Variants in CDH4 observed in about 807,000 individuals in gnomAD.
CDH4 encodes the protein cadherin 4.
CDH4 carries 33 observed loss-of-function variants against 86.0 expected under a neutral mutation model. The observed-to-expected ratio is 0.38, with a 90% CI of 0.29 to 0.51. The LOEUF (loss-of-function observed/expected upper bound fraction) is 0.51. Ranked by LOEUF, CDH4 falls within the 20% of genes least tolerant of loss-of-function variation. The probability of loss-of-function intolerance (pLI) is 0.86; values close to 1 mark genes in which losing one functional copy is unlikely to be tolerated. For synonymous variants in CDH4, 555 were observed against 549.4 expected (o/e 1.01, Z -0.14); for missense variants, 1,114 against 1,307.4 (o/e 0.85, Z 2.28).
At chr20:61,699,521 G>A (rs1234886796) in intron 2 of CDH4, among the ~76,000 whole-genome samples, 1 of 137,834 alleles carries the variant, frequency 7.3e-6, no homozygotes, top group East Asian at 1.9e-4. Flanking sequence ...GCACTTTCTG[G>A]CTCTCCGAGT....
intron 2 of CDH4, among the ~76,000 whole-genome samples, chr20:61,257,316 T>C (rs1378293805): frequency 1.3e-5 from 2 of 152,188 alleles, no homozygotes; most frequent in Non-Finnish European, 2.9e-5. Context: ...TTATGATAAA[T>C]GGATGGAAGA....
intron 2 of CDH4, among the ~76,000 whole-genome samples, chr20:61,489,717 A>G (rs2085615680): frequency 6.6e-6 from 1 of 152,210 alleles, no homozygotes; most frequent in South Asian, 2.1e-4. Flanking sequence ...CAGTCCTAGG[A>G]AGATGTTGCT....
At chr20:61,780,964 T>TA (rs1420544851) in intron 4 of CDH4, among the ~76,000 whole-genome samples, 27 of 152,322 alleles carry the variant, frequency 1.8e-4, no homozygotes, top group Admixed American at 1.0e-3. Flanking sequence ...TAGCCACAGA[T>TA]AGGGACTCCC....
intron 2 of CDH4, among the ~76,000 whole-genome samples, chr20:61,475,403 G>A (rs1048896508): frequency 1.4e-5 from 2 of 144,018 alleles, no homozygotes; most frequent in African/African-American, 2.6e-5. Context: ...AATCCTCAGT[G>A]ACCCTGCCTC....
At chr20:61,297,714 G>C (rs1259088890) in intron 2 of CDH4, among the ~76,000 whole-genome samples, 3 of 152,264 alleles carry the variant, frequency 2.0e-5, no homozygotes, top group Non-Finnish European at 4.4e-5. Flanking sequence ...AGGCCTTGCA[G>C]CGCACTTTCC....
chr20:61,834,327 C>T (rs1174823717), intron 4 of CDH4, among the ~76,000 whole-genome samples: 2 of 152,212 alleles, frequency 1.3e-5, no homozygotes, highest in East Asian at 1.9e-4. Flanking sequence ...GGCCTGGGGT[C>T]TGGGGTCTGG....
chr20:61,259,683 C>T (rs2084118619), intron 2 of CDH4, among the ~76,000 whole-genome samples: 1 of 152,112 alleles, frequency 6.6e-6, no homozygotes, highest in African/African-American at 2.4e-5. Flanking sequence ...TCTCTCTCTC[C>T]CTTGCCAACA....
chr20:61,523,625 C>T (rs572377941), intron 2 of CDH4, among the ~76,000 whole-genome samples: 2 of 152,338 alleles, frequency 1.3e-5, no homozygotes, highest in East Asian at 1.9e-4. Context: ...AGAAAACAGG[C>T]CCGGGGCTTT....
chr20:61,786,847 A>G (rs1185709709), intron 4 of CDH4, among the ~76,000 whole-genome samples: 2 of 152,256 alleles, frequency 1.3e-5, no homozygotes, highest in Non-Finnish European at 2.9e-5. Flanking sequence ...GGCCAGCTCC[A>G]GGACTGCTGA....
At chr20:61,753,821 T>TGGG (rs1257683138) in intron 3 of CDH4, among the ~76,000 whole-genome samples, 1 of 152,246 alleles carries the variant, frequency 6.6e-6, no homozygotes, top group African/African-American at 2.4e-5. Flanking sequence ...TGGACTTTCC[T>TGGG]GGGTGTTTCT....
chr20:61,346,256 C>T (rs1234581363), intron 2 of CDH4, among the ~76,000 whole-genome samples: 1 of 151,276 alleles, frequency 6.6e-6, no homozygotes, highest in Non-Finnish European at 1.5e-5. Flanking sequence ...GTCAGGAGGT[C>T]CTAGAGGAAC....
intron 2 of CDH4, among the ~76,000 whole-genome samples, chr20:61,687,991 C>A (rs1164592167): frequency 6.6e-6 from 1 of 152,122 alleles, no homozygotes; most frequent in Non-Finnish European, 1.5e-5. Context: ...ATTATTATGA[C>A]TTCATAATAA....
chr20:61,527,511 G>A (rs923281003), intron 2 of CDH4, among the ~76,000 whole-genome samples: 16 of 152,148 alleles, frequency 1.1e-4, no homozygotes, highest in African/African-American at 3.9e-4. Flanking sequence ...CAGTCTCCCA[G>A]AGTGCTGGGA....
At chr20:61,338,029 GT>G (rs1181049483) in intron 2 of CDH4, among the ~76,000 whole-genome samples, 1 of 152,152 alleles carries the variant, frequency 6.6e-6, no homozygotes, top group East Asian at 1.9e-4. Flanking sequence ...CTTTTGCAAT[GT>G]TTTAGTCACA....
At chr20:61,661,621 G>A (rs115465660) in intron 2 of CDH4, among the ~76,000 whole-genome samples, 3,028 of 152,152 alleles carry the variant, frequency 0.02, 106 homozygotes, top group African/African-American at 0.069. Flanking sequence ...AATTAACCCA[G>A]GATTAAAAAG....
At chr20:61,651,914 G>A (rs6089453) in intron 2 of CDH4, among the ~76,000 whole-genome samples, 1 of 152,220 alleles carries the variant, frequency 6.6e-6, no homozygotes, top group Non-Finnish European at 1.5e-5. Context: ...TGGGGTGGAA[G>A]GGAGGCCCTG....
intron 2 of CDH4, among the ~76,000 whole-genome samples, chr20:61,389,490 T>C (rs2084969377): frequency 6.6e-6 from 1 of 152,164 alleles, no homozygotes; most frequent in Non-Finnish European, 1.5e-5. Context: ...GCTTTAGATA[T>C]TTGTTGATTG....
chr20:61,720,125 T>A (rs574928598), intron 2 of CDH4, among the ~76,000 whole-genome samples: 10 of 152,198 alleles, frequency 6.6e-5, no homozygotes, highest in Non-Finnish European at 1.5e-4. Context: ...GCATCGCCCG[T>A]GTGTCTGCAG....
chr20:61,306,694 G>A (rs565461664), intron 2 of CDH4, among the ~76,000 whole-genome samples: 3 of 152,264 alleles, frequency 2.0e-5, no homozygotes, highest in East Asian at 3.9e-4. Flanking sequence ...AGTTGTGAGT[G>A]GCCAGATGGT....
Sources: allele counts gnomAD v4.1 joint callset (sites outside exome capture counted in the v4.1 genomes callset), GRCh38; gene constraint gnomAD v4.1.1; transcripts MANE v1.5; gene names NCBI Gene and HGNC (gene_info 2026-07-23, HGNC 2026-07-21).